Variants in CSMD1 observed in about 807,000 individuals in gnomAD.
The protein encoded by CSMD1 is CUB and sushi domain-containing protein 1.
Under a neutral mutation model 417.5 loss-of-function variants are expected in CSMD1, and 213 were observed. The observed-to-expected ratio is 0.51, with a 90% CI of 0.46 to 0.57. The LOEUF (loss-of-function observed/expected upper bound fraction) is 0.57, where lower values mean the gene tolerates loss of function less well. Ranked by LOEUF, CSMD1 falls within the 20% of genes least tolerant of loss-of-function variation. The pLI is 0.00. For synonymous variants in CSMD1, 2,862 were observed against 1,736.8 expected (o/e 1.65, Z -16.11); for missense variants, 6,923 against 4,529.7 (o/e 1.53, Z -15.17).
At chr8:3,921,730 A>G (rs534194828) in intron 5 of CSMD1, among the ~76,000 whole-genome samples, 5 of 152,308 alleles carry the variant, frequency 3.3e-5, no homozygotes, top group Non-Finnish European at 5.9e-5. Flanking sequence ...GTTTCATAAT[A>G]TAAGAGTCAG....
At chr8:4,567,181 A>T (rs1206131824) in intron 2 of CSMD1, among the ~76,000 whole-genome samples, 1 of 152,216 alleles carries the variant, frequency 6.6e-6, no homozygotes, top group Non-Finnish European at 1.5e-5. Flanking sequence ...CTTTTATGGT[A>T]GCATTTATTT....
At chr8:3,159,708 A>G (rs1157193079) in intron 38 of CSMD1, among the ~76,000 whole-genome samples, 5 of 152,248 alleles carry the variant, frequency 3.3e-5, no homozygotes, top group Non-Finnish European at 7.3e-5. Context: ...CGAAGAAAAG[A>G]AACACAGCTT....
At chr8:2,964,331 C>A (rs1345762495) in intron 59 of CSMD1, among the ~76,000 whole-genome samples, 1 of 152,200 alleles carries the variant, frequency 6.6e-6, no homozygotes, top group Non-Finnish European at 1.5e-5. Flanking sequence ...CTGATCTGTT[C>A]ACTCGTTCAA....
intron 3 of CSMD1, among the ~76,000 whole-genome samples, chr8:4,144,028 G>A (rs1490756175): frequency 2.6e-5 from 4 of 151,260 alleles, no homozygotes; most frequent in South Asian, 2.1e-4. Flanking sequence ...TATAGAGAAA[G>A]CAGCCTTTGA....
intron 2 of CSMD1, among the ~76,000 whole-genome samples, chr8:4,572,958 C>T (rs1442234310): frequency 1.3e-5 from 2 of 152,144 alleles, no homozygotes; most frequent in Non-Finnish European, 1.5e-5. Context: ...CCGTGTTTTT[C>T]AGCTCCATCA....
intron 5 of CSMD1, among the ~76,000 whole-genome samples, chr8:3,782,673 C>T (rs1799245868): frequency 6.6e-6 from 1 of 152,148 alleles, no homozygotes; most frequent in South Asian, 2.1e-4. Flanking sequence ...TTCTCAGAGT[C>T]AACAATGTTT....
chr8:3,455,301 T>C (rs535370909), intron 12 of CSMD1, among the ~76,000 whole-genome samples: 1 of 152,350 alleles, frequency 6.6e-6, no homozygotes, highest in South Asian at 2.1e-4. Flanking sequence ...TGAAGCCTTC[T>C]TCTCTCAACT....
chr8:3,500,987 A>T (rs532495730), intron 10 of CSMD1, among the ~76,000 whole-genome samples: 2 of 152,356 alleles, frequency 1.3e-5, no homozygotes, highest in South Asian at 4.1e-4. Context: ...TTTGCAGGAA[A>T]GAAATATTGT....
At chr8:4,788,197 A>C in intron 1 of CSMD1, 1 of 1,592,494 alleles carries the variant, frequency 6.3e-7, no homozygotes, top group Non-Finnish European at 8.6e-7. Flanking sequence ...ATTCCATGTG[A>C]ACTTTGAGTA....
At chr8:3,971,955 T>G (rs1390940474) in intron 5 of CSMD1, among the ~76,000 whole-genome samples, 1 of 152,132 alleles carries the variant, frequency 6.6e-6, no homozygotes, top group African/African-American at 2.4e-5. Flanking sequence ...TTGCCCAGGC[T>G]GGAGTGCAGT....
chr8:4,682,955 C>CATATATATATATAT (rs10566841), intron 1 of CSMD1, among the ~76,000 whole-genome samples: 5 of 118,488 alleles, frequency 4.2e-5, no homozygotes, highest in South Asian at 2.9e-4. Context: ...TAAGTATCTT[C>CATATATATATATAT]ATATATATAT....
At chr8:3,200,427 T>C (rs1337193005) in intron 32 of CSMD1, among the ~76,000 whole-genome samples, 5 of 151,822 alleles carry the variant, frequency 3.3e-5, no homozygotes, top group Non-Finnish European at 7.4e-5. Flanking sequence ...TGGTGGTGCA[T>C]GCCTGTAATC....
chr8:4,903,427 T>C (rs1805030209), intron 1 of CSMD1, among the ~76,000 whole-genome samples: 1 of 152,208 alleles, frequency 6.6e-6, no homozygotes, highest in African/African-American at 2.4e-5. Flanking sequence ...TGACTTTTTT[T>C]ACCCTTGAGA....
intron 3 of CSMD1, among the ~76,000 whole-genome samples, chr8:4,357,164 G>A (rs376421160): frequency 6.6e-6 from 1 of 152,112 alleles, no homozygotes; most frequent in East Asian, 1.9e-4. Context: ...AATAAAATAT[G>A]GTACGCAAAT....
chr8:4,082,184 T>C (rs1267159067), intron 3 of CSMD1, among the ~76,000 whole-genome samples: 4 of 152,146 alleles, frequency 2.6e-5, no homozygotes, highest in Non-Finnish European at 4.4e-5. Flanking sequence ...GCGTACAAGA[T>C]ATACTGTGAA....
intron 46 of CSMD1, among the ~76,000 whole-genome samples, chr8:3,098,512 T>C (rs1163686108): frequency 6.6e-6 from 1 of 152,228 alleles, no homozygotes; most frequent in Admixed American, 6.5e-5. Context: ...AAATAACATA[T>C]ATTTTAGGTG....
intron 3 of CSMD1, among the ~76,000 whole-genome samples, chr8:4,184,320 C>G (rs1004052143): frequency 1.3e-5 from 2 of 152,152 alleles, no homozygotes; most frequent in Non-Finnish European, 2.9e-5. Context: ...AACTCTTAAA[C>G]ATGAGTTTTA....
chr8:4,192,643 G>A (rs1026237068), intron 3 of CSMD1, among the ~76,000 whole-genome samples: 4 of 152,126 alleles, frequency 2.6e-5, no homozygotes, highest in South Asian at 2.1e-4. Context: ...ATTTGCTCAG[G>A]GATCAGAGTG....
intron 3 of CSMD1, among the ~76,000 whole-genome samples, chr8:4,046,900 A>AATGGGCAGAGAGAGGCTT (rs1411244892): frequency 3.3e-5 from 5 of 152,110 alleles, no homozygotes; most frequent in African/African-American, 1.2e-4. Context: ...GCCATCTAAA[A>AATGGGCAGAGAGAGGCTT]ATGGGCAGAG....
Sources: allele counts gnomAD v4.1 joint callset (sites outside exome capture counted in the v4.1 genomes callset), GRCh38; gene constraint gnomAD v4.1.1; transcripts MANE v1.5; gene names NCBI Gene and HGNC (gene_info 2026-07-23, HGNC 2026-07-21).